The following MSR1 variants were observed in gnomAD, a reference collection of about 807,000 sequenced individuals.
MSR1 encodes the protein macrophage scavenger receptor types I and II.
MSR1 carries 53 observed loss-of-function variants against 47.2 expected under a neutral mutation model. That is an observed-to-expected ratio of 1.12 (90% confidence interval 0.90 to 1.41). MSR1 has a LOEUF of 1.41. Ranked by LOEUF, MSR1 falls within the 40% of genes most tolerant of loss-of-function variation. The probability of loss-of-function intolerance (pLI) is 0.00; values close to 1 mark genes in which losing one functional copy is unlikely to be tolerated. For synonymous variants in MSR1, 239 were observed against 185.6 expected (o/e 1.29, Z -2.34); for missense variants, 786 against 546.9 (o/e 1.44, Z -4.36).
intron 9 of MSR1, 121 bp from the exon 10 acceptor site, chr8:16,110,339 C>T (rs996635971): frequency 8.0e-6 from 9 of 1,119,528 alleles, no homozygotes; most frequent in Admixed American, 1.8e-5. Context: ...TTTCTGTATG[C>T]AAGTTCTGTG....
chr8:16,113,229 T>C (rs1799803343), intron 9 of MSR1, among the ~76,000 whole-genome samples: 1 of 152,044 alleles, frequency 6.6e-6, no homozygotes, highest in Non-Finnish European at 1.5e-5. Context: ...ATTACAGGGG[T>C]GAGCCACTGT....
intron 1 of MSR1, among the ~76,000 whole-genome samples, chr8:16,190,099 C>T (rs1802156207): frequency 6.6e-6 from 1 of 151,590 alleles, no homozygotes; most frequent in South Asian, 2.1e-4. Flanking sequence ...TTTTTCACCG[C>T]GTTCATCCAG....
In MSR1 at chr8:16,164,138, A is replaced by T; in HGVS notation, c.744T>A (p.Asn248Lys). 1 of 1,612,180 alleles carries T rather than the reference A, an allele frequency of 6.2e-7. No homozygotes were observed. The highest frequency in any genetic ancestry group is 2.2e-5 in the East Asian group (1 of 44,716). The change falls in exon 5 of 10, where the codon AAT becomes AAA. Residue 248 changes from asparagine (N) to lysine (K), a missense_variant. Transcript: ENST00000262101. ...TCAGTCTGAGATCATTAGTGATGTT[A>T]TTCAGTACTTTCACTTCTCCTTTTA... ...QEIKGEVKVL[N>K]NITNDLRLKD...
chr8:16,145,026 A>T (rs1800661024), intron 7 of MSR1, among the ~76,000 whole-genome samples: 1 of 152,102 alleles, frequency 6.6e-6, no homozygotes, highest in Non-Finnish European at 1.5e-5. Flanking sequence ...ATATAATGTA[A>T]CATATACAAT....
At chr8:16,182,438 T>C (rs576554084) in intron 1 of MSR1, among the ~76,000 whole-genome samples, 11 of 152,326 alleles carry the variant, frequency 7.2e-5, no homozygotes, top group South Asian at 4.1e-4. Flanking sequence ...TTTAATACTT[T>C]AGAAACCTTT....
chr8:16,186,202 A>G (rs1316196633), intron 1 of MSR1: 5 of 1,535,354 alleles, frequency 3.3e-6, no homozygotes, highest in African/African-American at 2.7e-5. Flanking sequence ...GCACTGAGAT[A>G]GCACATCCAG....
In MSR1 at chr8:16,164,058, A is replaced by G; in HGVS notation, c.817+7T>C. ...TCATTTTCTGGAGAAATGACAAGAC[A>G]TTTTACCTTGAATTAAAGTGATATT... On this transcript the variant is annotated splice_region_variant and intron_variant, in intron 5 of 9. Coordinates refer to ENST00000262101, the MANE Select transcript of MSR1 (RefSeq NM_138715.3). The G allele has an allele frequency of 6.2e-7, 1 of 1,601,216 alleles. No individual in the cohort carries two copies. The highest frequency in any genetic ancestry group is 1.7e-5 in the Admixed American group (1 of 59,636).
intron 1 of MSR1, chr8:16,186,025 A>G: frequency 4.0e-6 from 3 of 750,892 alleles, no homozygotes; most frequent in Non-Finnish European, 6.3e-6. Context: ...CAAGAAATCC[A>G]TAACCTGCCA....
rs982670123 is a variant in MSR1, at chr8:16,109,055, T to G, written c.*1030A>C. The G allele has an allele frequency of 6.6e-6, 1 of 151,942 alleles. No homozygotes were observed. The highest frequency in any genetic ancestry group is 2.4e-5 in the African/African-American group (1 of 41,368). The allele number at this position is 151,942 out of a possible 1,614,324, so 9.4% of individuals were successfully genotyped here. A position where few individuals can be genotyped will look rare whatever the true frequency, so the allele number is the denominator to read the frequency against. On this transcript the variant is annotated 3_prime_UTR_variant, in exon 10 of 10. Coordinates refer to ENST00000262101, the MANE Select transcript of MSR1 (RefSeq NM_138715.3). ...TAGAATTACTGGGTTTCAGGGTAGC[T>G]TTTCACACTCTACACTATGGCCCTG...
At chr8:16,167,528 G>C (rs1801348630) in intron 4 of MSR1, among the ~76,000 whole-genome samples, 1 of 152,096 alleles carries the variant, frequency 6.6e-6, no homozygotes, top group Non-Finnish European at 1.5e-5. Flanking sequence ...CTGGGCAACA[G>C]AGTGAGACTC....
In MSR1 at chr8:16,183,897, T is replaced by TTA. The variant is rs57992683; in HGVS notation, c.-4-5907_-4-5906dup. On this transcript the variant is annotated intron_variant, in intron 1 of 9. Coordinates refer to ENST00000262101, the MANE Select transcript of MSR1 (RefSeq NM_138715.3). ...ATTTATATTATTATATAATATATAA[T>TTA]TATATATATATATATGGCACAGGCA... 2.1e-3 allele frequency among the ~76,000 whole-genome samples: 306 copies of TTA among 142,694 alleles called. 1 individual carries two copies. The highest frequency in any genetic ancestry group is 0.015 in the Middle Eastern group (4 of 270). The allele number at this position is 142,694 out of a possible 152,430, so 93.6% of individuals were successfully genotyped here.
chr8:16,133,399 T>C (rs561438989), intron 8 of MSR1, among the ~76,000 whole-genome samples: 49 of 152,306 alleles, frequency 3.2e-4, no homozygotes, highest in African/African-American at 1.2e-3. Flanking sequence ...AGATGCCCAA[T>C]GATTTCCCAT....
At chr8:16,178,769 G>T (rs1376215129) in intron 1 of MSR1, among the ~76,000 whole-genome samples, 4 of 152,028 alleles carry the variant, frequency 2.6e-5, no homozygotes, top group Non-Finnish European at 4.4e-5. Context: ...AGCAGCTGTT[G>T]TTTCCTGACT....
At chr8:16,185,975 A>C (rs540386650) in intron 1 of MSR1, among the ~76,000 whole-genome samples, 4 of 152,286 alleles carry the variant, frequency 2.6e-5, no homozygotes, top group Admixed American at 6.5e-5. Flanking sequence ...AACAAGAAGC[A>C]GTCAGGGTCA....
At chr8:16,190,256 T>C (rs1802160512) in intron 1 of MSR1, among the ~76,000 whole-genome samples, 1 of 152,142 alleles carries the variant, frequency 6.6e-6, no homozygotes, top group Non-Finnish European at 1.5e-5. Flanking sequence ...ATTCATCATA[T>C]GTGAAACTAA....
At chr8:16,149,370 G>C (rs919894770) in intron 7 of MSR1, among the ~76,000 whole-genome samples, 6 of 151,984 alleles carry the variant, frequency 3.9e-5, no homozygotes, top group Non-Finnish European at 8.8e-5. Context: ...ATACCTCAAT[G>C]ATAGGGACCC....
At chr8:16,179,097 T>A (rs895362645) in intron 1 of MSR1, among the ~76,000 whole-genome samples, 15 of 152,192 alleles carry the variant, frequency 9.9e-5, no homozygotes, top group Non-Finnish European at 1.9e-4. Context: ...AGAGGTGTGT[T>A]TTTTGAGTGT....
In MSR1 at chr8:16,110,147, G is replaced by A. The variant is rs772338992; in HGVS notation, c.1294C>T (p.Arg432Trp). 111 of 1,613,450 alleles carry A rather than the reference G, an allele frequency of 6.9e-5. 1 individual carries two copies. The highest frequency in any genetic ancestry group is 8.8e-5 in the South Asian group (8 of 91,072). ...GAACAGGCTCTTGTCCCCCATTGCC[G>A]AATTTTACATTCTTCAATAGATGAT... ...RESSIEECKI[R>W]QWGTRACSHS... The change falls in exon 10 of 10, where the codon CGG becomes TGG. Residue 432 changes from arginine to tryptophan, a missense_variant. Coordinates refer to ENST00000262101, the MANE Select transcript of MSR1 (RefSeq NM_138715.3).
chr8:16,150,345 A>T, intron 6 of MSR1, 34 bp from the exon 7 acceptor site: 1 of 1,338,632 alleles, frequency 7.5e-7, no homozygotes, highest in Non-Finnish European at 1.0e-6. Flanking sequence ...AGAAGGTAAT[A>T]ATTCATTTTC....
Sources: gnomAD v4.1 joint callset for allele counts (sites outside exome capture counted in the v4.1 genomes callset) on GRCh38, gnomAD v4.1.1 for gene constraint, MANE v1.5 for transcripts, NCBI Gene and HGNC (gene_info 2026-07-23, HGNC 2026-07-21) for gene names.